IRAK2: variants seen among roughly 807,000 people sequenced by gnomAD.
IRAK2 encodes the protein interleukin 1 receptor associated kinase 2, also known as interleukin-1 receptor-associated kinase-like 2.
IRAK2 carries 57 observed loss-of-function variants against 72.0 expected under a neutral mutation model. The observed-to-expected ratio is 0.79, with a 90% CI of 0.64 to 0.99. The LOEUF (loss-of-function observed/expected upper bound fraction) is 0.99. Among genes scored for constraint, IRAK2 ranks in the 50% least tolerant of loss-of-function variants. The pLI is 0.00. For synonymous variants in IRAK2, 293 were observed against 312.7 expected, an observed-to-expected ratio of 0.94 and a Z score of 0.67; for missense variants, 790 against 794.4, an observed-to-expected ratio of 0.99 and a Z score of 0.07.
At position 10,200,220 on chromosome 3, in the gene IRAK2, A is replaced by C. The variant is rs1303189465; in HGVS notation, c.278-149A>C. On this transcript the variant is annotated intron_variant, in intron 2 of 12. Transcript: ENST00000256458. ...TTTTACAGATGGGGAGGCCGGGGCC[A>C]GAAAGGGAAAGACCCTCCCGCCCTG... The C allele has an allele frequency of 2.1e-5, 14 of 657,072 alleles. No individual in the cohort carries two copies. The South Asian group carries it at 2.9e-4, about 14-fold the overall frequency. The allele number at this position is 657,072 out of a possible 1,614,324, so 40.7% of individuals were successfully genotyped here. A position where few individuals can be genotyped will look rare whatever the true frequency, so the allele number is the denominator to read the frequency against.
At chr3:10,200,874 C>T (rs914349865) in intron 3 of IRAK2, among the ~76,000 whole-genome samples, 2 of 152,202 alleles carry the variant, frequency 1.3e-5, no homozygotes, top group Non-Finnish European at 2.9e-5. Context: ...GCACTCCAGC[C>T]TGGGTGACAG....
In IRAK2 at chr3:10,209,635, TGAA is replaced by T. The variant is rs772197505; in HGVS notation, c.477_479del (p.Glu159del). ...ACCAGCCGGCCTTTCTCCAGCCTCCTGAAGAAGATGCCCCTCATTCCTTGAGAA... is the reference window on the plus strand; with the variant it reads ...ACCAGCCGGCCTTTCTCCAGCCTCCTGAAGATGCCCCTCATTCCTTGAGAA... On this transcript the variant is annotated inframe_deletion, in exon 4 of 13. Coordinates refer to ENST00000256458, the MANE Select transcript of IRAK2 (RefSeq NM_001570.4). 1.3e-6 allele frequency: 2 copies of T among 1,571,162 alleles called. No homozygotes were observed. Among genetic ancestry groups the T allele is most frequent in the African/African-American group, 2.8e-5 (2 of 72,252 alleles).
intron 9 of IRAK2, 82 bp from the exon 10 acceptor site, chr3:10,226,289 C>A: frequency 8.5e-7 from 1 of 1,178,344 alleles, no homozygotes; most frequent in Non-Finnish European, 1.2e-6. Context: ...GAGCTCAGAA[C>A]TGAGAAGAGA....
intron 1 of IRAK2, among the ~76,000 whole-genome samples, chr3:10,167,427 T>A (rs1575947567): frequency 6.6e-6 from 1 of 152,154 alleles, no homozygotes; most frequent in East Asian, 1.9e-4. Context: ...TCTTTTTTTT[T>A]TTTTTGAGAC....
chr3:10,214,565 A>G (rs1483289573), intron 6 of IRAK2, among the ~76,000 whole-genome samples: 2 of 147,202 alleles, frequency 1.4e-5, no homozygotes, highest in Non-Finnish European at 3.0e-5. Context: ...ATTATTTTTC[A>G]TCTGAAACAC....
At chr3:10,213,453 G>A (rs757569456) in intron 5 of IRAK2, 31 bp from the exon 6 acceptor site, 9 of 1,612,476 alleles carry the variant, frequency 5.6e-6, no homozygotes, top group South Asian at 1.1e-5. Flanking sequence ...GGTGGGGCGG[G>A]ATCTTCATGT....
chr3:10,169,528 C>A (rs1360931536), intron 1 of IRAK2, among the ~76,000 whole-genome samples: 1 of 152,178 alleles, frequency 6.6e-6, no homozygotes, highest in Non-Finnish European at 1.5e-5. Flanking sequence ...ACTCACACGT[C>A]CATCTATAGG....
intron 10 of IRAK2, among the ~76,000 whole-genome samples, chr3:10,231,080 G>C (rs572607523): frequency 3.3e-5 from 5 of 152,268 alleles, no homozygotes; most frequent in South Asian, 2.1e-4. Context: ...TATTTGTAGA[G>C]ATGGGGTCTT....
chr3:10,210,297 C>T (rs1436812748), intron 4 of IRAK2, among the ~76,000 whole-genome samples: 1 of 152,042 alleles, frequency 6.6e-6, no homozygotes, highest in African/African-American at 2.4e-5. Flanking sequence ...GGGAGGATGG[C>T]TTCAGCCCAG....
intron 2 of IRAK2, among the ~76,000 whole-genome samples, chr3:10,193,445 A>C (rs999324530): frequency 1.5e-4 from 22 of 151,600 alleles, no homozygotes; most frequent in Non-Finnish European, 2.5e-4. Flanking sequence ...CTCTACCAAA[A>C]AAAAACAAAA....
intron 2 of IRAK2, among the ~76,000 whole-genome samples, chr3:10,189,838 C>T (rs950040613): frequency 1.2e-4 from 19 of 152,044 alleles, no homozygotes; most frequent in South Asian, 2.1e-4. Flanking sequence ...GCCCTGCCTC[C>T]GCCCCTTTCC....
At chr3:10,234,159 G>T (rs898671643) in intron 10 of IRAK2, among the ~76,000 whole-genome samples, 1 of 152,130 alleles carries the variant, frequency 6.6e-6, no homozygotes, top group Non-Finnish European at 1.5e-5. Context: ...ACTGCGCCCG[G>T]CCCTGGTGTA....
intron 12 of IRAK2, among the ~76,000 whole-genome samples, chr3:10,240,558 C>CCTCTTT (rs1274154130): frequency 5.5e-5 from 1 of 18,066 alleles, no homozygotes; most frequent in Non-Finnish European, 8.2e-5. Context: ...CCCCCCCCGC[C>CCTCTTT]TTTTTTTTTT....
intron 10 of IRAK2, among the ~76,000 whole-genome samples, chr3:10,229,656 G>A (rs533552551): frequency 5.3e-5 from 8 of 152,244 alleles, no homozygotes; most frequent in East Asian, 3.9e-4. Flanking sequence ...TGTTGTTGAC[G>A]TGTCAGTAAT....
intron 10 of IRAK2, among the ~76,000 whole-genome samples, chr3:10,230,290 C>CA (rs1248572328): frequency 6.6e-6 from 1 of 151,790 alleles, no homozygotes; most frequent in Non-Finnish European, 1.5e-5. Flanking sequence ...TACCCCCCCC[C>CA]ACCGACAAGG....
At position 10,177,866 on chromosome 3, in the gene IRAK2, G is replaced by C. The variant is rs771346607; in HGVS notation, c.123G>C (p.Gln41His). 3 of 1,613,464 alleles carry C rather than the reference G, an allele frequency of 1.9e-6. No homozygotes were observed. In the African/African-American group the frequency reaches 4.0e-5, roughly 21 times the overall value. Residue 41 changes from glutamine to histidine, a missense_variant, in exon 2 of 13, where the codon CAG becomes CAC. Gln to His is a conservative substitution (Grantham distance 24). Coordinates refer to ENST00000256458, the MANE Select transcript of IRAK2 (RefSeq NM_001570.4). ...CCTACGTGATCACAGACCTGACCCAGCTGCGGAAGATCAAGTCCATGGAGC... is the reference window on the plus strand; with the variant it reads ...CCTACGTGATCACAGACCTGACCCACCTGCGGAAGATCAAGTCCATGGAGC... ...FASYVITDLTQLRKIKSMERV... is the reference protein window; with the variant it reads ...FASYVITDLTHLRKIKSMERV...
At chr3:10,211,938 G>T (rs1697528214) in intron 4 of IRAK2, among the ~76,000 whole-genome samples, 1 of 151,948 alleles carries the variant, frequency 6.6e-6, no homozygotes, top group African/African-American at 2.4e-5. Flanking sequence ...AAATTAGCCG[G>T]ACAGGGTGGT....
intron 11 of IRAK2, among the ~76,000 whole-genome samples, chr3:10,237,776 G>A (rs556627609): frequency 1.0e-4 from 15 of 149,026 alleles, no homozygotes; most frequent in African/African-American, 3.0e-4. Flanking sequence ...CCTGCAGTCC[G>A]GCCTGGGCGA....
At chr3:10,201,969 TGAG>T (rs755112097) in intron 3 of IRAK2, among the ~76,000 whole-genome samples, 13 of 152,230 alleles carry the variant, frequency 8.5e-5, no homozygotes, top group Non-Finnish European at 1.3e-4. Flanking sequence ...ATTTGTAAAA[TGAG>T]GAGAATAATA....
Sources: gnomAD v4.1 joint callset for allele counts (sites outside exome capture counted in the v4.1 genomes callset) on GRCh38, gnomAD v4.1.1 for gene constraint, MANE v1.5 for transcripts, NCBI Gene and HGNC (gene_info 2026-07-23, HGNC 2026-07-21) for gene names.